Variants in CMTR1 observed in about 807,000 individuals in gnomAD.
CMTR1 encodes cap methyltransferase 1, also known as cap-specific mRNA (nucleoside-2'-O-)-methyltransferase 1.
In CMTR1, 39 loss-of-function variants were observed where a neutral mutation model predicts 107.0. The ratio of observed to expected loss-of-function variants is 0.36; its 90% confidence interval spans 0.28 to 0.48. The LOEUF is 0.48. Ranked by LOEUF, CMTR1 falls within the 20% of genes least tolerant of loss-of-function variation. The probability of loss-of-function intolerance (pLI) is 0.99; values close to 1 mark genes in which losing one functional copy is unlikely to be tolerated. For synonymous variants in CMTR1, 366 were observed against 379.5 expected (o/e 0.96, Z 0.41); for missense variants, 672 against 1,064.9 (o/e 0.63, Z 5.14).
chr6:37,468,064 G>T (rs529138937), intron 13 of CMTR1, among the ~76,000 whole-genome samples: 3 of 141,988 alleles, frequency 2.1e-5, no homozygotes, highest in Non-Finnish European at 3.1e-5. Flanking sequence ...TGGGGGGGGG[G>T]ACTAATTCAG....
Position 37,462,068 on chromosome 6 carries a change from A to C in CMTR1, c.1291A>C (p.Lys431Gln). The change falls in exon 12 of 24, where the codon AAG (lysine) becomes CAG (glutamine). Residue 431 changes from lysine to glutamine, a missense_variant. By Grantham distance (53) the Lys-to-Gln change is moderately conservative. Transcript: ENST00000373451. ...CTGCTTTGAACGAGTTTGTCTCTTC[A>C]AGCCTATTACCAGCCGTCCTGCCAA... is the stretch of plus-strand genomic sequence containing the variant. ...YCCFERVCLF[K>Q]PITSRPANSE... The C allele has an allele frequency of 6.2e-7, 1 of 1,614,030 alleles. No homozygotes were observed. Among genetic ancestry groups the C allele is most frequent in the African/African-American group, 1.3e-5 (1 of 74,986 alleles).
intron 17 of CMTR1, 145 bp downstream of exon 17, chr6:37,473,746 ACTT>A (rs1761673665): frequency 2.0e-6 from 2 of 979,430 alleles, no homozygotes; most frequent in Admixed American, 3.0e-5. Context: ...ATTTCTTGAA[ACTT>A]CGTTTCCTTT....
chr6:37,438,798 T>C (rs1376478314), intron 2 of CMTR1, among the ~76,000 whole-genome samples: 1 of 152,226 alleles, frequency 6.6e-6, no homozygotes, highest in Non-Finnish European at 1.5e-5. Flanking sequence ...CTGTATCTAA[T>C]TCTCTTAGGT....
chr6:37,475,445 G>A, intron 19 of CMTR1, 33 bp downstream of exon 19: 1 of 1,574,906 alleles, frequency 6.3e-7, no homozygotes, highest in Non-Finnish European at 8.7e-7. Context: ...GGGAGGGTGG[G>A]GGTAGGCCAG....
At chr6:37,469,989 G>T (rs1333317031) in intron 13 of CMTR1, among the ~76,000 whole-genome samples, 1 of 150,650 alleles carries the variant, frequency 6.6e-6, no homozygotes, top group Non-Finnish European at 1.5e-5. Context: ...TCTGTCCTCA[G>T]GTTCACTGAT....
chr6:37,450,130 A>G (rs1021879330), intron 4 of CMTR1, 121 bp from the exon 5 acceptor site: 21 of 773,868 alleles, frequency 2.7e-5, no homozygotes, highest in Non-Finnish European at 3.2e-5. Flanking sequence ...GGCTTCAGCA[A>G]CCTGCACCCT....
At position 37,458,383 on chromosome 6, in the gene CMTR1, A is replaced by G. The variant is rs1410037056; in HGVS notation, c.778-229A>G. Among the ~76,000 whole-genome samples, 1 of 152,068 alleles carries G rather than the reference A, an allele frequency of 6.6e-6. No homozygotes were observed. Among genetic ancestry groups the G allele is most frequent in the Non-Finnish European group, 1.5e-5 (1 of 68,016 alleles). ...TGAAGATGTTTTTATGAGGAGTCTG[A>G]GCTAGGCCTGGTGATGTGATAGGCA... On this transcript the variant is annotated intron_variant, in intron 8 of 23. Coordinates refer to ENST00000373451, the MANE Select transcript of CMTR1 (RefSeq NM_015050.3). The surrounding 1 kb of genome is among the most constrained non-coding windows in gnomAD (Gnocchi z 4.7).
chr6:37,437,899 T>C (rs766199577), intron 2 of CMTR1, among the ~76,000 whole-genome samples: 14 of 152,258 alleles, frequency 9.2e-5, no homozygotes, highest in Non-Finnish European at 1.9e-4. Flanking sequence ...GTAACATCTC[T>C]TTGAAGTAAG....
chr6:37,471,176 T>G, intron 14 of CMTR1, 99 bp downstream of exon 14: 1 of 1,069,512 alleles, frequency 9.4e-7, no homozygotes, highest in Non-Finnish European at 1.4e-6. Flanking sequence ...ACAAACATTT[T>G]AAAACACCTG....
intron 21 of CMTR1, among the ~76,000 whole-genome samples, chr6:37,477,995 GTAGAAGGGGCATAAA>G (rs1222042334): frequency 1.3e-5 from 2 of 152,206 alleles, no homozygotes; most frequent in East Asian, 3.9e-4. Flanking sequence ...GCCTGGAGGG[GTAGAAGGGGCATAAA>G]TGCGTCCTTA....
intron 9 of CMTR1, among the ~76,000 whole-genome samples, chr6:37,459,060 ACT>A (rs879584895): frequency 6.6e-6 from 1 of 152,130 alleles, no homozygotes; most frequent in Non-Finnish European, 1.5e-5. Context: ...TTTCAGGAAC[ACT>A]CTGCTTTTGT....
At chr6:37,426,234 C>G in the CMTR1 span, among the ~76,000 whole-genome samples, 3 of 151,880 alleles carry the variant, frequency 2.0e-5, no homozygotes, top group Non-Finnish European at 4.4e-5. Flanking sequence ...CATCTTAAGA[C>G]TTTTTTTTAA....
chr6:37,471,972 C>T, intron 15 of CMTR1, 68 bp downstream of exon 15: 1 of 1,428,566 alleles, frequency 7.0e-7, no homozygotes, highest in Non-Finnish European at 9.7e-7. Flanking sequence ...GGGTTGACTC[C>T]CAATCCTGTC....
At position 37,480,088 on chromosome 6, in the gene CMTR1, C is replaced by A; in HGVS notation, c.2451C>A (p.Asp817Glu). 6.3e-7 allele frequency: 1 copy of A among 1,592,746 alleles called. No homozygotes were observed. Residue 817 changes from aspartate to glutamate, a missense_variant, in exon 24 of 24, where the codon GAC (aspartate) becomes GAA (glutamate). Transcript: ENST00000373451. ...TGCATGACTCCCAGAAGCCCCAGGA[C>A]CAGGACAAGCTGTCCAAGGAGGACG... ...IRVHDSQKPQ[D>E]QDKLSKEDVL...
At chr6:37,459,985 C>T (rs1033925513) in intron 10 of CMTR1, among the ~76,000 whole-genome samples, 9 of 152,156 alleles carry the variant, frequency 5.9e-5, no homozygotes, top group Non-Finnish European at 1.3e-4. Flanking sequence ...TAACCAAAGA[C>T]GGCAGCACAG....
chr6:37,458,902 T>G lies in CMTR1; in HGVS notation c.976+92T>G. The G allele has an allele frequency of 8.4e-7, 1 of 1,186,274 alleles. No individual in the cohort carries two copies. The highest frequency in any genetic ancestry group is 1.2e-6 in the Non-Finnish European group (1 of 828,748). The allele number at this position is 1,186,274 out of a possible 1,614,324, so 73.5% of individuals were successfully genotyped here. A position where few individuals can be genotyped will look rare whatever the true frequency, so the allele number is the denominator to read the frequency against. On this transcript the variant is annotated intron_variant, in intron 9 of 23. Coordinates refer to ENST00000373451, the MANE Select transcript of CMTR1 (RefSeq NM_015050.3). This position sits in a 1 kb window ranked among gnomAD's most constrained non-coding sequence, Gnocchi z 4.7. ...AAGCAGTTGTTATCCACATGCCATA[T>G]TTTCTTTCCTAGGTCTCTTACCCTG...
chr6:37,473,790 T>G (rs1255097244), intron 17 of CMTR1, among the ~76,000 whole-genome samples, 189 bp downstream of exon 17: 1 of 152,256 alleles, frequency 6.6e-6, no homozygotes, highest in Non-Finnish European at 1.5e-5. Context: ...TGTCATTCAT[T>G]CATTCTTTCA....
At chr6:37,446,806 C>G (rs1024643822) in intron 4 of CMTR1, among the ~76,000 whole-genome samples, 3 of 152,204 alleles carry the variant, frequency 2.0e-5, no homozygotes, top group Non-Finnish European at 4.4e-5. Flanking sequence ...TCAGGCAGGC[C>G]AAGGGAGCAC....
At chr6:37,435,453 A>G (rs1258729392) in intron 1 of CMTR1, among the ~76,000 whole-genome samples, 171 bp from the exon 2 acceptor site, 2 of 152,220 alleles carry the variant, frequency 1.3e-5, no homozygotes, top group Admixed American at 6.5e-5. Flanking sequence ...ACACTTGTCT[A>G]GCATCCTTCC....
Sources: allele counts gnomAD v4.1 joint callset (sites outside exome capture counted in the v4.1 genomes callset), GRCh38; gene constraint gnomAD v4.1.1; non-coding constraint Gnocchi (gnomAD v3.1); transcripts MANE v1.5; gene names NCBI Gene and HGNC (gene_info 2026-07-23, HGNC 2026-07-21).